SPIDR: variants seen among roughly 807,000 people sequenced by gnomAD.
SPIDR encodes DNA repair-scaffolding protein.
A neutral mutation model predicts 104.6 loss-of-function variants in SPIDR; 93 were observed. The observed-to-expected ratio is 0.89, with a 90% CI of 0.75 to 1.06. SPIDR has a LOEUF of 1.06. Among genes scored for constraint, SPIDR ranks in the 50% least tolerant of loss-of-function variants. SPIDR has a pLI of 0.00. For missense variants in SPIDR, 1,154 were observed against 1,111.2 expected (o/e 1.04, Z -0.55); for synonymous variants, 431 against 416.9 (o/e 1.03, Z -0.41).
At chr8:47,520,014 A>T (rs1002775042) in intron 8 of SPIDR, among the ~76,000 whole-genome samples, 1 of 152,184 alleles carries the variant, frequency 6.6e-6, no homozygotes, top group Non-Finnish European at 1.5e-5. Flanking sequence ...GTATAGCACA[A>T]ATTCATCCTG....
chr8:47,264,826 T>C (rs1427790682), intron 1 of SPIDR, among the ~76,000 whole-genome samples: 2 of 152,130 alleles, frequency 1.3e-5, no homozygotes, highest in Non-Finnish European at 2.9e-5. Flanking sequence ...GAGGATTAAA[T>C]TATGAGAATG....
chr8:47,370,671 C>T (rs1166660147), intron 5 of SPIDR, among the ~76,000 whole-genome samples: 2 of 151,600 alleles, frequency 1.3e-5, no homozygotes, highest in Non-Finnish European at 2.9e-5. Flanking sequence ...AGGCTGGTCT[C>T]AAACTCCTGA....
chr8:47,655,700 C>G (rs1207850419), intron 10 of SPIDR, among the ~76,000 whole-genome samples: 1 of 152,114 alleles, frequency 6.6e-6, no homozygotes, highest in Non-Finnish European at 1.5e-5. Flanking sequence ...ATGGTAGTTT[C>G]TTTTGCTGTG....
chr8:47,322,444 G>A (rs1310950814), intron 5 of SPIDR, among the ~76,000 whole-genome samples: 1 of 152,174 alleles, frequency 6.6e-6, no homozygotes, highest in Non-Finnish European at 1.5e-5. Flanking sequence ...AACAACAGGT[G>A]CTGGAGAGGA....
intron 5 of SPIDR, among the ~76,000 whole-genome samples, chr8:47,336,941 C>CATTATAATCA (rs1554609839): frequency 6.6e-6 from 1 of 152,178 alleles, no homozygotes; most frequent in African/African-American, 2.4e-5. Context: ...CACAGCCCTT[C>CATTATAATCA]ACCTCACTTT....
intron 11 of SPIDR, among the ~76,000 whole-genome samples, chr8:47,675,898 T>C (rs2076379959): frequency 6.6e-6 from 1 of 152,084 alleles, no homozygotes; most frequent in Non-Finnish European, 1.5e-5. Context: ...TCAGGGTCGT[T>C]TAGAGGGGAG....
At chr8:47,510,438 G>T (rs2082143172) in intron 8 of SPIDR, among the ~76,000 whole-genome samples, 1 of 152,084 alleles carries the variant, frequency 6.6e-6, no homozygotes, top group African/African-American at 2.4e-5. Context: ...CAAGGAAATT[G>T]TTTAGCATAA....
intron 7 of SPIDR, among the ~76,000 whole-genome samples, chr8:47,416,727 C>T (rs916859263): frequency 3.3e-5 from 5 of 152,014 alleles, no homozygotes; most frequent in Admixed American, 6.6e-5. Context: ...CCCATTAACT[C>T]GTCATTTAAC....
chr8:47,498,630 G>A (rs1259970329), intron 8 of SPIDR, among the ~76,000 whole-genome samples: 1 of 152,064 alleles, frequency 6.6e-6, no homozygotes, highest in Non-Finnish European at 1.5e-5. Context: ...TAGATACTCT[G>A]TGCTATTTTC....
At chr8:47,640,288 G>C (rs1224188805) in intron 10 of SPIDR, among the ~76,000 whole-genome samples, 1 of 152,142 alleles carries the variant, frequency 6.6e-6, no homozygotes, top group African/African-American at 2.4e-5. Context: ...AAGTCACAGG[G>C]GAACCTGAGT....
At chr8:47,307,815 A>T (rs2043365857) in intron 5 of SPIDR, among the ~76,000 whole-genome samples, 1 of 152,100 alleles carries the variant, frequency 6.6e-6, no homozygotes, top group Non-Finnish European at 1.5e-5. Context: ...CTGGGATTAC[A>T]GTCATGAGCC....
chr8:47,411,595 T>G (rs1218599321), intron 7 of SPIDR, among the ~76,000 whole-genome samples: 1 of 152,212 alleles, frequency 6.6e-6, no homozygotes, highest in Non-Finnish European at 1.5e-5. Flanking sequence ...TTTCTCCCAT[T>G]CTGTAGGTTG....
In SPIDR at chr8:47,640,841, CTTTTTTTTTTTTTTTTTTTTT is replaced by C. The variant is rs57405701; in HGVS notation, c.1545-32936_1545-32916del. 1.2e-3 allele frequency among the ~76,000 whole-genome samples: 51 copies of C among 41,300 alleles called. 1 individual carries two copies. The highest frequency in any genetic ancestry group is 2.2e-3 in the Admixed American group (5 of 2,248). The allele number at this position is 41,300 out of a possible 152,430, so 27.1% of individuals were successfully genotyped here. A position where few individuals can be genotyped will look rare whatever the true frequency, so the allele number is the denominator to read the frequency against. On this transcript the variant is annotated intron_variant, in intron 10 of 19. Transcript: ENST00000297423. Reference sequence around the variant, plus strand: ...TACAGGTACACACTGCCACACCCAGCTTTTTTTTTTTTTTTTTTTTTTTTTTTTTTTTTTTTTTTTTTTTGT... The same window carrying C: ...TACAGGTACACACTGCCACACCCAGCTTTTTTTTTTTTTTTTTTTTTTTGT...
intron 8 of SPIDR, among the ~76,000 whole-genome samples, chr8:47,595,569 G>C (rs567842942): frequency 7.9e-5 from 12 of 152,324 alleles, no homozygotes; most frequent in African/African-American, 2.9e-4. Flanking sequence ...GCACAAGGGA[G>C]CCCAAGCCCA....
At chr8:47,667,963 G>GA (rs1167722456) in intron 10 of SPIDR, 2 of 151,496 alleles carry the variant, frequency 1.3e-5, no homozygotes, top group Non-Finnish European at 2.9e-5. Context: ...AGACAAGATG[G>GA]AAAAATCCCT....
At chr8:47,344,715 G>C (rs1236046335) in intron 5 of SPIDR, among the ~76,000 whole-genome samples, 1 of 152,168 alleles carries the variant, frequency 6.6e-6, no homozygotes, top group African/African-American at 2.4e-5. Context: ...TTCTCTGATG[G>C]CCAGTGATGA....
chr8:47,324,464 A>G (rs1376522454), intron 5 of SPIDR, among the ~76,000 whole-genome samples: 3 of 152,216 alleles, frequency 2.0e-5, no homozygotes, highest in African/African-American at 4.8e-5. Flanking sequence ...CTCAAGACAA[A>G]TTGACAAGTA....
chr8:47,503,043 T>A (rs369686040), intron 8 of SPIDR, among the ~76,000 whole-genome samples: 3 of 152,068 alleles, frequency 2.0e-5, no homozygotes, highest in Non-Finnish European at 2.9e-5. Context: ...TGCTGAGGAG[T>A]GCTTTACTTC....
chr8:47,719,884 C>G (rs926612486), intron 16 of SPIDR, among the ~76,000 whole-genome samples: 1 of 152,202 alleles, frequency 6.6e-6, no homozygotes, highest in Non-Finnish European at 1.5e-5. Context: ...CCAGGGGAGC[C>G]AGCATTCTCT....
Sources: allele counts gnomAD v4.1 joint callset (sites outside exome capture counted in the v4.1 genomes callset), GRCh38; gene constraint gnomAD v4.1.1; transcripts MANE v1.5; gene names NCBI Gene and HGNC (gene_info 2026-07-23, HGNC 2026-07-21).